The following OTOG variants were observed in gnomAD, a reference collection of about 807,000 sequenced individuals.
OTOG encodes otogelin.
A neutral mutation model predicts 313.8 loss-of-function variants in OTOG; 296 were observed. The ratio of observed to expected loss-of-function variants is 0.94; its 90% CI spans 0.86 to 1.04. OTOG has a LOEUF of 1.04. Ranked by LOEUF, OTOG falls within the 50% of genes least tolerant of loss-of-function variation. The pLI is 0.00. For synonymous variants in OTOG, 1,533 were observed against 1,554.9 expected (o/e 0.99, Z 0.33); for missense variants, 3,948 against 3,840.1 (o/e 1.03, Z -0.74).
At position 17,643,472 on chromosome 11, in the gene OTOG, C is replaced by G; in HGVS notation, c.8427C>G (p.Ser2809=). Residue 2809 remains serine (S), a synonymous_variant, in exon 54 of 56, where the codon TCC becomes TCG. Transcript: ENST00000399397. The part of the protein sequence containing the change: ...NETECAKVGG[S]VVPSLEGCCR... ...CTTCCTCTCTCTAGGTTGGGGGTTCCGTGGTACCTTCCTTGGAAGGATGCT... is the reference window on the plus strand; with the variant it reads ...CTTCCTCTCTCTAGGTTGGGGGTTCGGTGGTACCTTCCTTGGAAGGATGCT... 6.9e-7 allele frequency: 1 copy of G among 1,447,120 alleles called. No individual in the cohort carries two copies. The highest frequency in any genetic ancestry group is 9.2e-7 in the Non-Finnish European group (1 of 1,092,514). 89.6% of individuals were successfully genotyped at this position (1,447,120 alleles called of 1,614,324 possible). A position where few individuals can be genotyped will look rare whatever the true frequency, so the allele number is the denominator to read the frequency against.
intron 19 of OTOG, among the ~76,000 whole-genome samples, 181 bp downstream of exon 19, chr11:17,573,471 C>G (rs1852451338): frequency 6.6e-6 from 1 of 152,238 alleles, no homozygotes; most frequent in South Asian, 2.1e-4. Context: ...CCCTCCATCA[C>G]TCAGGCATAA....
intron 40 of OTOG, among the ~76,000 whole-genome samples, chr11:17,629,768 C>A (rs1045719883): frequency 6.6e-6 from 1 of 152,168 alleles, no homozygotes; most frequent in Non-Finnish European, 1.5e-5. Flanking sequence ...AGAGCTGCCA[C>A]AATACACAGA....
intron 22 of OTOG, among the ~76,000 whole-genome samples, chr11:17,577,336 C>A (rs2134034052): frequency 6.6e-6 from 1 of 152,076 alleles, no homozygotes; most frequent in East Asian, 1.9e-4. Flanking sequence ...CTTTTGAGAC[C>A]CTCCTAGGCA....
At chr11:17,616,865 A>G (rs1853734233) in intron 39 of OTOG, among the ~76,000 whole-genome samples, 1 of 152,154 alleles carries the variant, frequency 6.6e-6, no homozygotes, top group Non-Finnish European at 1.5e-5. Context: ...TCTCTCACCT[A>G]TTGCACTGGC....
At chr11:17,572,283 C>G in intron 18 of OTOG, 79 bp downstream of exon 18, 2 of 1,520,358 alleles carry the variant, frequency 1.3e-6, no homozygotes, top group Non-Finnish European at 8.8e-7. Flanking sequence ...AAAGGGAACT[C>G]CGGGCAGGAG....
chr11:17,645,823 G>T lies in OTOG; in HGVS notation c.8621G>T (p.Cys2874Phe). ...AACATCAACACCTATGCCCGATTCT[G>T]CAAGTGCTGCCGTGAGGTGGGCCTG... ...NYNINTYARF[C>F]KCCREVGLQR... is the part of the protein sequence containing the mutation. Residue 2874 changes from cysteine (C) to phenylalanine (F), a missense_variant, in exon 56 of 56, where the codon TGC becomes TTC. By Grantham distance (205) the Cys-to-Phe change is radical. Transcript: ENST00000399397. 6.4e-7 allele frequency: 1 copy of T among 1,551,054 alleles called. No individual in the cohort carries two copies. The highest frequency in any genetic ancestry group is 2.4e-5 in the East Asian group (1 of 40,916).
At chr11:17,631,578 C>T (rs1418569905) in intron 40 of OTOG, 124 bp from the exon 41 acceptor site, 2 of 791,398 alleles carry the variant, frequency 2.5e-6, no homozygotes, top group South Asian at 3.7e-5. Context: ...TTTCCCTCAC[C>T]TATAAAATGG....
intron 7 of OTOG, 66 bp downstream of exon 7, chr11:17,555,963 C>A: frequency 8.0e-7 from 1 of 1,256,578 alleles, no homozygotes; most frequent in Non-Finnish European, 1.1e-6. Flanking sequence ...GATGGGTGAG[C>A]ATCCGCTCTT....
At chr11:17,627,391 G>A (rs1854010798) in intron 39 of OTOG, among the ~76,000 whole-genome samples, 1 of 151,694 alleles carries the variant, frequency 6.6e-6, no homozygotes. Context: ...TGGTTTTTTT[G>A]TCCTTTATTC....
intron 15 of OTOG, among the ~76,000 whole-genome samples, chr11:17,566,031 G>T (rs1048368956): frequency 6.6e-6 from 1 of 152,124 alleles, no homozygotes; most frequent in Non-Finnish European, 1.5e-5. Flanking sequence ...TGCTACTGGG[G>T]TATGACTTCC....
chr11:17,553,341 G>A lies in OTOG; in HGVS notation c.386-24G>A, dbSNP rs923932501. The stretch of plus-strand genomic sequence containing the variant: ...TTGGTGCCCACTGTAGCTACACAGA[G>A]AGGTTCTCTTTTCTCTCCCTCAGTG... On this transcript the variant is annotated intron_variant, in intron 5 of 55. Transcript: ENST00000399397. 7 of 1,472,834 alleles carry A rather than the reference G, an allele frequency of 4.8e-6. No homozygotes were observed. The African/African-American group carries it at 9.9e-5, about 21-fold the overall frequency. The allele number at this position is 1,472,834 out of a possible 1,614,324, so 91.2% of individuals were successfully genotyped here.
chr11:17,609,808 C>T lies in OTOG; in HGVS notation c.4508C>T (p.Ala1503Val), dbSNP rs541470403. 7.8e-6 allele frequency: 12 copies of T among 1,544,666 alleles called. No individual in the cohort carries two copies. In the African/African-American group the frequency reaches 1.5e-4, roughly 19 times the overall value. The change falls in exon 36 of 56, where the codon GCC (alanine) becomes GTC (valine). Residue 1503 changes from alanine to valine, a missense_variant. Physicochemically the swap from Ala to Val is moderately conservative, Grantham distance 64. Transcript: ENST00000399397. ...CACAGGCCAGCCCTCACCCCAGCTG[C>T]CCCACTCACCACAGCCCTGAACCCA... ...PTHRPALTPA[A>V]PLTTALNPPV... is the part of the protein sequence containing the mutation.
At chr11:17,589,651 C>T (rs1427890548) in intron 24 of OTOG, among the ~76,000 whole-genome samples, 2 of 152,226 alleles carry the variant, frequency 1.3e-5, no homozygotes, top group African/African-American at 4.8e-5. Context: ...AGGAACTGCT[C>T]CATTTCTCTG....
intron 23 of OTOG, among the ~76,000 whole-genome samples, chr11:17,581,985 T>C (rs1033739584): frequency 3.3e-5 from 5 of 152,192 alleles, no homozygotes; most frequent in African/African-American, 1.2e-4. Flanking sequence ...TGACCTACCT[T>C]GTTGCATCTA....
At position 17,555,657 on chromosome 11, in the gene OTOG, A is replaced by G. The variant is rs1001234224; in HGVS notation, c.541-122A>G. ...GTATGGGGACTGAGCGAGATCACAGAGGAAAGGCAGTTGGTATGCAGGGGA... is the reference window on the plus strand; with the variant it reads ...GTATGGGGACTGAGCGAGATCACAGGGGAAAGGCAGTTGGTATGCAGGGGA... On this transcript the variant is annotated intron_variant, in intron 6 of 55. Transcript: ENST00000399397. 4.1e-6 allele frequency: 3 copies of G among 727,758 alleles called. No individual in the cohort carries two copies. The African/African-American group carries it at 5.2e-5, about 13-fold the overall frequency. The allele number at this position is 727,758 out of a possible 1,614,324, so 45.1% of individuals were successfully genotyped here. A position where few individuals can be genotyped will look rare whatever the true frequency, so the allele number is the denominator to read the frequency against.
rs776482697 is a variant in OTOG at position 17,593,732 on chromosome 11, C to T, written c.3264C>T (p.His1088=). 89 of 1,548,602 alleles carry T rather than the reference C, an allele frequency of 5.7e-5. No individual in the cohort carries two copies. The highest frequency in any genetic ancestry group is 6.8e-5 in the Non-Finnish European group (78 of 1,146,980). The part of the protein sequence containing the change: ...TLLWDQRTTV[H]VQAGPQWQGQ... ...TGTGGGACCAGAGAACCACAGTGCA[C>T]GTCCAGGCTGGGCCTCAGTGGCAGG... is the stretch of plus-strand genomic sequence containing the variant. The change falls in exon 27 of 56, where the codon CAC becomes CAT. Residue 1088 remains histidine (H), a synonymous_variant. Coordinates refer to ENST00000399397, the MANE Select transcript of OTOG (RefSeq NM_001292063.2).
At chr11:17,595,287 C>A (rs998196602) in intron 28 of OTOG, among the ~76,000 whole-genome samples, 1 of 152,214 alleles carries the variant, frequency 6.6e-6, no homozygotes, top group African/African-American at 2.4e-5. Context: ...CCCCCATGTA[C>A]ATCATATTTC....
intron 49 of OTOG, among the ~76,000 whole-genome samples, 195 bp downstream of exon 49, chr11:17,639,658 T>A (rs1455109844): frequency 6.6e-6 from 1 of 152,208 alleles, no homozygotes; most frequent in Non-Finnish European, 1.5e-5. Flanking sequence ...ATAATCATGC[T>A]TTAGAGTTGT....
intron 18 of OTOG, 91 bp from the exon 19 acceptor site, chr11:17,572,987 C>A: frequency 1.6e-6 from 2 of 1,229,234 alleles, no homozygotes; most frequent in Non-Finnish European, 2.3e-6. Flanking sequence ...ACACACACAC[C>A]CCTGAGCCAT....
Sources: gnomAD v4.1 joint callset for allele counts (sites outside exome capture counted in the v4.1 genomes callset) on GRCh38, gnomAD v4.1.1 for gene constraint, MANE v1.5 for transcripts, NCBI Gene and HGNC (gene_info 2026-07-23, HGNC 2026-07-21) for gene names.